Variants in KLHL42 observed in about 807,000 individuals in gnomAD.
KLHL42 encodes kelch like family member 42, also known as kelch-like protein 42.
Under a neutral mutation model 32.7 loss-of-function variants are expected in KLHL42, and 27 were observed. The ratio of observed to expected loss-of-function variants is 0.83; its 90% CI spans 0.61 to 1.14. The LOEUF is 1.14. Ranked by LOEUF, KLHL42 falls within the 50% of genes most tolerant of loss-of-function variation. The pLI is 0.00. For missense variants in KLHL42, 491 were observed against 560.8 expected (o/e 0.88, Z 1.26); for synonymous variants, 267 against 248.2 (o/e 1.08, Z -0.71).
At position 27,800,918 on chromosome 12, in the gene KLHL42, T is replaced by C. The variant is rs963065800; in HGVS notation, c.*2752T>C. 5.9e-5 allele frequency: 9 copies of C among 152,096 alleles called. No individual in the cohort carries two copies. The highest frequency in any genetic ancestry group is 1.9e-4 in the African/African-American group (8 of 41,414). The allele number at this position is 152,096 out of a possible 1,614,324, so 9.4% of individuals were successfully genotyped here. On this transcript the variant is annotated 3_prime_UTR_variant, in exon 3 of 3. Transcript: ENST00000381271. ...AGCCCCCCGACCAGAAGCACCCTATTTTATAGATAGCAGTCTGAATGGTAG... is the reference window on the plus strand; with the variant it reads ...AGCCCCCCGACCAGAAGCACCCTATCTTATAGATAGCAGTCTGAATGGTAG...
rs188376747 is a variant in KLHL42, at chr12:27,799,488, G to C, written c.*1322G>C. 6.6e-6 allele frequency: 1 copy of C among 152,284 alleles called. No homozygotes were observed. Among genetic ancestry groups the C allele is most frequent in the Admixed American group, 6.5e-5 (1 of 15,306 alleles). 9.4% of individuals were successfully genotyped at this position (152,284 alleles called of 1,614,324 possible). A position where few individuals can be genotyped will look rare whatever the true frequency, so the allele number is the denominator to read the frequency against. ...GTGAGCTGGATTCCATCTTTCTGCA[G>C]TAACAGCGGGCAGAACCATTTCAGT... On this transcript the variant is annotated 3_prime_UTR_variant, in exon 3 of 3. Transcript: ENST00000381271.
chr12:27,780,862 G>T lies in KLHL42; in HGVS notation c.532G>T (p.Asp178Tyr), dbSNP rs965994775. The change falls in exon 1 of 3, where the codon GAT (aspartate) becomes TAT (tyrosine). Residue 178 changes from aspartate (D) to tyrosine (Y), a missense_variant. Asp to Tyr is a radical substitution (Grantham distance 160, BLOSUM62 -3). Around this residue, in one of 4 missense-constraint regions of KLHL42, gnomAD observed 248 missense variants for 329.2 expected, o/e 0.75. Transcript: ENST00000381271. This position sits in a 1 kb window ranked among gnomAD's most constrained non-coding sequence, Gnocchi z 8.8. ...LLGSPPQAPG[D>Y]VSLKQRLREA... ...GGGGTCTCCTCCCCAAGCTCCAGGG[G>T]ATGTCAGCCTGAAGCAGAGGCTGAG... 1 of 1,613,858 alleles carries T rather than the reference G, an allele frequency of 6.2e-7. No individual in the cohort carries two copies. The highest frequency in any genetic ancestry group is 1.3e-5 in the African/African-American group (1 of 75,052).
chr12:27,787,034 A>AT (rs1290095436), intron 1 of KLHL42, among the ~76,000 whole-genome samples: 1 of 151,794 alleles, frequency 6.6e-6, no homozygotes, highest in Non-Finnish European at 1.5e-5. Context: ...CAATTGAGAG[A>AT]TTTTATAAAG....
In KLHL42 at chr12:27,780,472, G is replaced by A. The variant is rs1316134094; in HGVS notation, c.142G>A (p.Gly48Ser). 3 of 1,544,134 alleles carry A rather than the reference G, an allele frequency of 1.9e-6. No homozygotes were observed. Among genetic ancestry groups the A allele is most frequent in the African/African-American group, 2.8e-5 (2 of 71,498 alleles). ...MREALSQEAG[G>S]PEVQQLRGLS... ...CGAGGCCCTGAGCCAGGAGGCCGGC[G>A]GCCCGGAGGTGCAGCAGCTGCGCGG... The change falls in exon 1 of 3, where the codon GGC becomes AGC. Residue 48 changes from glycine (G) to serine (S), a missense_variant. By Grantham distance (56) the Gly-to-Ser change is moderately conservative. This residue lies in a region of KLHL42 where 88 missense variants were observed against 89.0 expected (regional missense o/e 0.99). Transcript: ENST00000381271. This position sits in a 1 kb window ranked among gnomAD's most constrained non-coding sequence, Gnocchi z 8.8.
intron 1 of KLHL42, among the ~76,000 whole-genome samples, chr12:27,783,075 A>C (rs1444646538): frequency 6.6e-6 from 1 of 152,220 alleles, no homozygotes; most frequent in African/African-American, 2.4e-5. Flanking sequence ...TAACTACTGA[A>C]TAGCCTACTG....
Position 27,796,999 on chromosome 12 carries a change from C to T in KLHL42, c.1067-716C>T, listed in dbSNP as rs562786506. 6.6e-5 allele frequency among the ~76,000 whole-genome samples: 10 copies of T among 152,078 alleles called. No homozygotes were observed. The East Asian group carries it at 1.9e-3, about 29-fold the overall frequency. On this transcript the variant is annotated intron_variant, in intron 2 of 2. Transcript: ENST00000381271. ...TTTATCTAGACGTTGATCTTATCTA[C>T]GCTACAACTGTCATCTTGTGAGGGA... is the stretch of plus-strand genomic sequence containing the variant.
chr12:27,786,566 C>G (rs1417725945), intron 1 of KLHL42, among the ~76,000 whole-genome samples: 1 of 152,188 alleles, frequency 6.6e-6, no homozygotes, highest in Non-Finnish European at 1.5e-5. Flanking sequence ...AATTTCACAT[C>G]TACTTTGATT....
Position 27,798,742 on chromosome 12 carries a change from C to G in KLHL42, c.*576C>G, listed in dbSNP as rs2062231023. 2 of 151,922 alleles carry G rather than the reference C, an allele frequency of 1.3e-5. No homozygotes were observed. The highest frequency in any genetic ancestry group is 4.8e-5 in the African/African-American group (2 of 41,244). The allele number at this position is 151,922 out of a possible 1,614,324, so 9.4% of individuals were successfully genotyped here. A position where few individuals can be genotyped will look rare whatever the true frequency, so the allele number is the denominator to read the frequency against. ...ATAATGATGGAGCCCTACAGTGAATCCTTACCAGTGTTCAGTCCTCCCCAA... is the reference window on the plus strand; with the variant it reads ...ATAATGATGGAGCCCTACAGTGAATGCTTACCAGTGTTCAGTCCTCCCCAA... On this transcript the variant is annotated 3_prime_UTR_variant, in exon 3 of 3. Coordinates refer to ENST00000381271, the MANE Select transcript of KLHL42 (RefSeq NM_020782.2).
At position 27,791,746 on chromosome 12, in the gene KLHL42, A is replaced by G. The variant is rs767197543; in HGVS notation, c.911A>G (p.Tyr304Cys). The G allele has an allele frequency of 3.7e-6, 6 of 1,614,038 alleles. No homozygotes were observed. The highest frequency in any genetic ancestry group is 3.3e-5 in the Admixed American group (2 of 60,006). ...CTTGTGGCTGTTAATTCAAAACTCTATGCCATCGGAGGGCAGGCCGTTTCT... is the reference window on the plus strand; with the variant it reads ...CTTGTGGCTGTTAATTCAAAACTCTGTGCCATCGGAGGGCAGGCCGTTTCT... ...FKLVAVNSKL[Y>C]AIGGQAVSNV... Residue 304 changes from tyrosine to cysteine, a missense_variant, in exon 2 of 3, where the codon TAT becomes TGT. Coordinates refer to ENST00000381271, the MANE Select transcript of KLHL42 (RefSeq NM_020782.2).
intron 1 of KLHL42, among the ~76,000 whole-genome samples, chr12:27,788,581 G>T (rs1157010576): frequency 6.6e-6 from 1 of 152,160 alleles, no homozygotes; most frequent in East Asian, 1.9e-4. Context: ...CGGTGGCCTA[G>T]CTACTTGGGA....
intron 2 of KLHL42, among the ~76,000 whole-genome samples, chr12:27,792,325 T>C (rs2062201116): frequency 6.6e-6 from 1 of 152,098 alleles, no homozygotes; most frequent in African/African-American, 2.4e-5. Flanking sequence ...TCCACCATTA[T>C]GGAATTTAGT....
chr12:27,797,623 C>T, intron 2 of KLHL42, 92 bp from the exon 3 acceptor site: 2 of 651,848 alleles, frequency 3.1e-6, no homozygotes, highest in South Asian at 1.9e-5. Context: ...TCTTTGTTAC[C>T]AAATTATGCA....
intron 1 of KLHL42, among the ~76,000 whole-genome samples, chr12:27,782,959 G>A (rs1398042067): frequency 1.3e-5 from 2 of 151,942 alleles, no homozygotes; most frequent in African/African-American, 4.8e-5. Context: ...TAAATTATAT[G>A]TATACTTGTA....
intron 1 of KLHL42, among the ~76,000 whole-genome samples, chr12:27,781,550 G>A (rs1373955490): frequency 6.6e-6 from 1 of 152,148 alleles, no homozygotes; most frequent in African/African-American, 2.4e-5. Flanking sequence ...ATTTGTCTTA[G>A]TTTTTAGGAT....
chr12:27,795,649 T>C (rs899178257), intron 2 of KLHL42, among the ~76,000 whole-genome samples: 4 of 147,468 alleles, frequency 2.7e-5, no homozygotes, highest in Admixed American at 2.7e-4. Flanking sequence ...AGTTAGTTTT[T>C]AGCCTCCTGA....
rs868183497 is a variant in KLHL42, at chr12:27,800,075, G to A, written c.*1909G>A. ...TTATTTTAGATGGTGTTAACTTTTC[G>A]TTGCTGAAGAGCTTAACTTTTTAAA... On this transcript the variant is annotated 3_prime_UTR_variant, in exon 3 of 3. Coordinates refer to ENST00000381271, the MANE Select transcript of KLHL42 (RefSeq NM_020782.2). The A allele has an allele frequency of 4.0e-5, 39 of 980,700 alleles. No homozygotes were observed. Among genetic ancestry groups the A allele is most frequent in the African/African-American group, 1.4e-4 (8 of 57,042 alleles). 60.7% of individuals were successfully genotyped at this position (980,700 alleles called of 1,614,324 possible).
chr12:27,795,099 A>G (rs776469511), intron 2 of KLHL42, among the ~76,000 whole-genome samples: 7 of 152,076 alleles, frequency 4.6e-5, no homozygotes, highest in Admixed American at 3.3e-4. Flanking sequence ...AGGAAAGTCA[A>G]TACTCCCAGT....
chr12:27,791,244 C>T (rs754530991), intron 1 of KLHL42, among the ~76,000 whole-genome samples: 1 of 152,112 alleles, frequency 6.6e-6, no homozygotes, highest in Non-Finnish European at 1.5e-5. Context: ...AGTCACTCCT[C>T]GCACCTGCCT....
chr12:27,784,185 A>G (rs1591813827), intron 1 of KLHL42, among the ~76,000 whole-genome samples: 1 of 135,694 alleles, frequency 7.4e-6, no homozygotes, highest in Non-Finnish European at 1.5e-5. Context: ...CCCAGGCTGG[A>G]GTACAGTGAC....
Sources: allele counts gnomAD v4.1 joint callset (sites outside exome capture counted in the v4.1 genomes callset), GRCh38; gene constraint gnomAD v4.1.1; regional missense constraint gnomAD v4.1.1; non-coding constraint Gnocchi (gnomAD v3.1); transcripts MANE v1.5; gene names NCBI Gene and HGNC (gene_info 2026-07-23, HGNC 2026-07-21).